The following SEMA3A variants were observed in gnomAD, a reference collection of about 807,000 sequenced individuals.
SEMA3A encodes the protein semaphorin 3A, also known as semaphorin-3A.
In SEMA3A, 29 loss-of-function variants were observed where a neutral mutation model predicts 97.9. The ratio of observed to expected loss-of-function variants is 0.30; its 90% confidence interval spans 0.22 to 0.40. The LOEUF (loss-of-function observed/expected upper bound fraction) is 0.40. Ranked by LOEUF, SEMA3A falls within the 10% of genes least tolerant of loss-of-function variation. The probability of loss-of-function intolerance (pLI) is 1.00; values close to 1 mark genes in which losing one functional copy is unlikely to be tolerated. For missense variants in SEMA3A, 763 were observed against 951.3 expected (o/e 0.80, Z 2.60); for synonymous variants, 321 against 323.7 (o/e 0.99, Z 0.09).
At chr7:84,078,122 A>C (rs1460102993) in intron 4 of SEMA3A, among the ~76,000 whole-genome samples, 1 of 152,058 alleles carries the variant, frequency 6.6e-6, no homozygotes, top group African/African-American at 2.4e-5. Context: ...TCTATTTTAT[A>C]AATGTTTTTC....
At chr7:84,056,249 A>G (rs1258380739) in intron 5 of SEMA3A, among the ~76,000 whole-genome samples, 3 of 152,232 alleles carry the variant, frequency 2.0e-5, no homozygotes, top group African/African-American at 7.2e-5. Flanking sequence ...CTGCATTTCT[A>G]TTATGGCTTA....
intron 1 of SEMA3A, among the ~76,000 whole-genome samples, chr7:84,185,692 G>GAAAAAAAAAAAAAA (rs71078810): frequency 1.3e-5 from 1 of 78,132 alleles, no homozygotes; most frequent in African/African-American, 5.4e-5. Flanking sequence ...ACTCTGGCAG[G>GAAAAAAAAAAAAAA]AAAAAAAAAA....
At chr7:84,218,576 C>T (rs974173870) in intron 3 of SEMA3A, among the ~76,000 whole-genome samples, 2 of 152,006 alleles carry the variant, frequency 1.3e-5, no homozygotes, top group Non-Finnish European at 2.9e-5. Context: ...TATTTTTTGG[C>T]CTCAATTCAA....
chr7:84,091,345 GAAGGAAGGAAGAAAGGAAGA>G (rs1794598778), intron 4 of SEMA3A, among the ~76,000 whole-genome samples: 1 of 118,464 alleles, frequency 8.4e-6, no homozygotes, highest in Non-Finnish European at 2.1e-5. Context: ...AAAGAGGAGG[GAAGGAAGGAAGAAAGGAAGA>G]AAGGAAGGAA....
At chr7:84,477,872 T>C (rs1472655145) in intron 1 of SEMA3A, among the ~76,000 whole-genome samples, 1 of 152,192 alleles carries the variant, frequency 6.6e-6, no homozygotes, top group Non-Finnish European at 1.5e-5. Flanking sequence ...TCAAAACACA[T>C]GGTCAATGTT....
At chr7:84,101,522 C>T (rs915185543) in intron 4 of SEMA3A, among the ~76,000 whole-genome samples, 12 of 152,144 alleles carry the variant, frequency 7.9e-5, no homozygotes, top group African/African-American at 2.4e-4. Context: ...TTTCTCCCCC[C>T]ACTCTCTTGA....
intron 3 of SEMA3A, among the ~76,000 whole-genome samples, chr7:84,288,573 C>T (rs1800653746): frequency 6.6e-6 from 1 of 152,016 alleles, no homozygotes; most frequent in African/African-American, 2.4e-5. Context: ...AGGTGCACGC[C>T]TGTAGTCCCA....
At chr7:84,335,487 G>T (rs545293117) in intron 2 of SEMA3A, among the ~76,000 whole-genome samples, 1 of 152,170 alleles carries the variant, frequency 6.6e-6, no homozygotes, top group African/African-American at 2.4e-5. Context: ...GGGAGCAAGA[G>T]AGAGATCTAT....
chr7:84,344,024 G>T lies in SEMA3A; in HGVS notation c.-169+27800C>A, dbSNP rs1159111448. ...CTTTGTTTCGGGGAAAAAAAAAAAAGAAAATTTGTAATATTCATATAGACA... is the reference window on the plus strand; with the variant it reads ...CTTTGTTTCGGGGAAAAAAAAAAAATAAAATTTGTAATATTCATATAGACA... On this transcript the variant is annotated intron_variant, in intron 2 of 3. Coordinates refer to the SEMA3A transcript ENST00000424555. 1.3e-5 allele frequency among the ~76,000 whole-genome samples: 2 copies of T among 150,670 alleles called. 1 individual carries two copies. The highest frequency in any genetic ancestry group is 3.0e-5 in the Non-Finnish European group (2 of 67,602).
At chr7:84,244,511 G>T (rs1185171684) in intron 3 of SEMA3A, among the ~76,000 whole-genome samples, 1 of 152,052 alleles carries the variant, frequency 6.6e-6, no homozygotes, top group African/African-American at 2.4e-5. Flanking sequence ...GTCTTAAATA[G>T]AGCACACGGA....
intron 1 of SEMA3A, among the ~76,000 whole-genome samples, chr7:84,139,222 A>C (rs1411497192): frequency 1.3e-5 from 2 of 152,072 alleles, no homozygotes; most frequent in Non-Finnish European, 2.9e-5. Flanking sequence ...TTTTTAAAAA[A>C]CAAGCTAAGT....
At chr7:84,375,995 A>G (rs1466297999) in intron 1 of SEMA3A, among the ~76,000 whole-genome samples, 5 of 152,216 alleles carry the variant, frequency 3.3e-5, no homozygotes, top group African/African-American at 1.2e-4. Flanking sequence ...CTCCAGTTCC[A>G]TCCATGTCCT....
At chr7:84,020,072 G>A (rs111595464) in intron 6 of SEMA3A, among the ~76,000 whole-genome samples, 5,259 of 98,068 alleles carry the variant, frequency 0.054, 412 homozygotes, top group African/African-American at 0.19. Flanking sequence ...TTGAGACGGA[G>A]TCTCACTCTG....
chr7:84,402,985 A>T (rs1362276984), intron 1 of SEMA3A, among the ~76,000 whole-genome samples: 1 of 152,100 alleles, frequency 6.6e-6, no homozygotes, highest in East Asian at 1.9e-4. Flanking sequence ...CAGAAGACAG[A>T]TGATTTCTGC....
At chr7:84,459,364 CTT>C (rs762713789) in intron 1 of SEMA3A, among the ~76,000 whole-genome samples, 9 of 152,164 alleles carry the variant, frequency 5.9e-5, no homozygotes, top group Non-Finnish European at 1.2e-4. Flanking sequence ...GATTATTACA[CTT>C]TGTGTTTGAT....
chr7:84,041,027 T>A (rs952605981), intron 6 of SEMA3A, among the ~76,000 whole-genome samples: 5 of 152,118 alleles, frequency 3.3e-5, no homozygotes, highest in African/African-American at 1.2e-4. Context: ...GAGAGTTGTA[T>A]GTTTTAGCCC....
intron 3 of SEMA3A, among the ~76,000 whole-genome samples, chr7:84,237,752 C>T (rs1799268784): frequency 6.6e-6 from 1 of 151,956 alleles, no homozygotes; most frequent in South Asian, 2.1e-4. Flanking sequence ...GAACATACAT[C>T]CTGCTCTGTA....
intron 4 of SEMA3A, among the ~76,000 whole-genome samples, chr7:84,081,771 T>G (rs1358827808): frequency 6.6e-6 from 1 of 151,978 alleles, no homozygotes; most frequent in Non-Finnish European, 1.5e-5. Flanking sequence ...TATATGCATA[T>G]GTACATACAA....
chr7:83,968,802 T>TC (rs1562945605), intron 15 of SEMA3A, among the ~76,000 whole-genome samples: 1 of 143,568 alleles, frequency 7.0e-6, no homozygotes, highest in Non-Finnish European at 1.5e-5. Flanking sequence ...TTCTTTTCTT[T>TC]CCTTTTTTTT....
Sources: allele counts gnomAD v4.1 joint callset (sites outside exome capture counted in the v4.1 genomes callset), GRCh38; gene constraint gnomAD v4.1.1; transcripts MANE v1.5; gene names NCBI Gene and HGNC (gene_info 2026-07-23, HGNC 2026-07-21).